MPDZ: variants seen among roughly 807,000 people sequenced by gnomAD.
MPDZ encodes multiple PDZ domain crumbs cell polarity complex component, also known as multiple PDZ domain protein.
Under a neutral mutation model 239.1 loss-of-function variants are expected in MPDZ, and 234 were observed. That is an observed-to-expected ratio of 0.98 (90% CI 0.88 to 1.09). The LOEUF (loss-of-function observed/expected upper bound fraction) is 1.09. Ranked by LOEUF, MPDZ falls within the 50% of genes least tolerant of loss-of-function variation. MPDZ has a pLI of 0.00. For missense variants in MPDZ, 3,175 were observed against 2,510.0 expected (o/e 1.26, Z -5.66); for synonymous variants, 1,048 against 881.3 (o/e 1.19, Z -3.35).
intron 46 of MPDZ, among the ~76,000 whole-genome samples, chr9:13,107,758 T>C (rs2130945856): frequency 6.6e-6 from 1 of 152,264 alleles, no homozygotes; most frequent in Admixed American, 6.5e-5. Flanking sequence ...CAGACATTGG[T>C]GTTAGAAAAA....
chr9:13,128,605 T>C lies in MPDZ; in HGVS notation c.4465-1833A>G, dbSNP rs575343309. ...TTTAAGTTGTGAAGTTTGGTGGTAA[T>C]TTGTTACATAGCAAAAGTTAAGGAG... On this transcript the variant is annotated intron_variant, in intron 32 of 46. Coordinates refer to ENST00000319217, the MANE Select transcript of MPDZ (RefSeq NM_001378778.1). Among the ~76,000 whole-genome samples, 4 of 152,336 alleles carry C rather than the reference T, an allele frequency of 2.6e-5. No individual in the cohort carries two copies. The South Asian group carries it at 8.3e-4, about 32-fold the overall frequency.
At chr9:13,226,943 T>G (rs1960813358) in intron 3 of MPDZ, among the ~76,000 whole-genome samples, 1 of 152,146 alleles carries the variant, frequency 6.6e-6, no homozygotes, top group African/African-American at 2.4e-5. Flanking sequence ...ATGATGAAAT[T>G]ACGTAAAGTC....
At chr9:13,175,246 A>C (rs1212498252) in intron 21 of MPDZ, among the ~76,000 whole-genome samples, 1 of 152,184 alleles carries the variant, frequency 6.6e-6, no homozygotes, top group Non-Finnish European at 1.5e-5. Flanking sequence ...ATAGGACAAA[A>C]AAATCCTGCC....
chr9:13,273,718 A>G (rs1011601382), intron 1 of MPDZ, among the ~76,000 whole-genome samples: 5 of 152,204 alleles, frequency 3.3e-5, no homozygotes, highest in African/African-American at 1.2e-4. Context: ...TTTTAATAAT[A>G]TATTTTATTT....
At position 13,113,124 on chromosome 9, in the gene MPDZ, T is replaced by A. The variant is rs879131328; in HGVS notation, c.5558-70A>T. 5.8e-6 allele frequency: 8 copies of A among 1,370,604 alleles called. No homozygotes were observed. In the South Asian group the frequency reaches 8.0e-5, roughly 14 times the overall value. The allele number at this position is 1,370,604 out of a possible 1,614,324, so 84.9% of individuals were successfully genotyped here. ...CACTTTTTATGTTCGTTAAAATATC[T>A]AAAGCTGGATGGGACTAAATGATAA... On this transcript the variant is annotated intron_variant, in intron 41 of 46. Coordinates refer to ENST00000319217, the MANE Select transcript of MPDZ (RefSeq NM_001378778.1).
chr9:13,250,302 A>G lies in MPDZ; in HGVS notation c.14T>C (p.Ile5Thr). The stretch of plus-strand genomic sequence containing the variant: ...AGGCAGAAAAGAATAAGTCTTACCA[A>G]TGGCTTCCAACATTTTTTTCAAAGT... MLEA[I>T]DKNRALHAAE... is the part of the protein sequence containing the mutation. The change falls in exon 2 of 47, where the codon ATT becomes ACT. Residue 5 changes from isoleucine (I) to threonine (T), a missense_variant and splice_region_variant. Ile to Thr is a moderately conservative substitution (Grantham distance 89). Coordinates refer to ENST00000319217, the MANE Select transcript of MPDZ (RefSeq NM_001378778.1). 1 of 1,594,668 alleles carries G rather than the reference A, an allele frequency of 6.3e-7. No homozygotes were observed. The highest frequency in any genetic ancestry group is 8.5e-7 in the Non-Finnish European group (1 of 1,169,636).
At chr9:13,203,495 A>T (rs1956626347) in intron 12 of MPDZ, among the ~76,000 whole-genome samples, 1 of 152,108 alleles carries the variant, frequency 6.6e-6, no homozygotes, top group African/African-American at 2.4e-5. Flanking sequence ...TCAGGCATAT[A>T]TTTAAAAATC....
chr9:13,169,532 C>A lies in MPDZ; in HGVS notation c.3056-968G>T, dbSNP rs116386322. Among the ~76,000 whole-genome samples, 1,163 of 152,196 alleles carry A rather than the reference C, an allele frequency of 7.6e-3. 17 individuals carry two copies. The highest frequency in any genetic ancestry group is 0.027 in the African/African-American group (1,115 of 41,510). The stretch of plus-strand genomic sequence containing the variant: ...CCTTTTTCCATTTAGACACTAACTC[C>A]AGACTAAGGCAACACCTTCTCTTGC... On this transcript the variant is annotated intron_variant, in intron 21 of 46. Coordinates refer to ENST00000319217, the MANE Select transcript of MPDZ (RefSeq NM_001378778.1).
chr9:13,155,984 A>C (rs1949767337), intron 24 of MPDZ, among the ~76,000 whole-genome samples: 3 of 152,184 alleles, frequency 2.0e-5, no homozygotes, highest in Admixed American at 2.0e-4. Flanking sequence ...TAAAAGCATA[A>C]AAATTTTCCA....
At chr9:13,164,919 G>A (rs569031781) in intron 22 of MPDZ, among the ~76,000 whole-genome samples, 2 of 152,044 alleles carry the variant, frequency 1.3e-5, no homozygotes, top group South Asian at 4.1e-4. Context: ...TGAGCTGCGA[G>A]AACACACTGA....
In MPDZ at chr9:13,106,644, T is replaced by G. The variant is rs1941505793; in HGVS notation, c.*321A>C. ...TGGTTAGCTTTAGAATTATCTTTCT[T>G]TATACTAACCAGCTTAGCATGTAAT... On this transcript the variant is annotated 3_prime_UTR_variant, in exon 47 of 47. Coordinates refer to ENST00000319217, the MANE Select transcript of MPDZ (RefSeq NM_001378778.1). 1 of 201,792 alleles carries G rather than the reference T, an allele frequency of 5.0e-6. No individual in the cohort carries two copies. Among genetic ancestry groups the G allele is most frequent in the Non-Finnish European group, 9.9e-6 (1 of 101,096 alleles). 12.5% of individuals were successfully genotyped at this position (201,792 alleles called of 1,614,324 possible). A position where few individuals can be genotyped will look rare whatever the true frequency, so the allele number is the denominator to read the frequency against.
chr9:13,176,468 T>A, intron 19 of MPDZ, 51 bp from the exon 20 acceptor site: 2 of 1,371,416 alleles, frequency 1.5e-6, no homozygotes, highest in Middle Eastern at 2.1e-4. Context: ...TGACCAGAAT[T>A]ACATCAATAT....
At chr9:13,139,063 G>A (rs1157013507) in intron 28 of MPDZ, among the ~76,000 whole-genome samples, 4 of 152,194 alleles carry the variant, frequency 2.6e-5, no homozygotes, top group Non-Finnish European at 5.9e-5. Flanking sequence ...ACTGAGAACA[G>A]ACTGCGAAAA....
At position 13,183,549 on chromosome 9, in the gene MPDZ, T is replaced by C. The variant is rs114565489; in HGVS notation, c.2518A>G (p.Thr840Ala). 1.5e-3 allele frequency: 2,348 copies of C among 1,612,562 alleles called. 27 individuals are homozygous for C. In the African/African-American group the frequency reaches 0.028, roughly 20 times the overall value. ...TCAGGAGAGTATGGAGACTCAAATG[T>C]GGATTCATCTACTAAGTCAGCATCA... ...TNDADLVDES[T>A]FESPYSPEND... The change falls in exon 19 of 47, where the codon ACA becomes GCA. Residue 840 changes from threonine (T) to alanine (A), a missense_variant. Coordinates refer to ENST00000319217, the MANE Select transcript of MPDZ (RefSeq NM_001378778.1).
intron 10 of MPDZ, among the ~76,000 whole-genome samples, chr9:13,206,393 T>C (rs1456909909): frequency 6.6e-6 from 1 of 151,956 alleles, no homozygotes; most frequent in Non-Finnish European, 1.5e-5. Flanking sequence ...ATGCCTTTTT[T>C]TTCCCTTTTT....
intron 12 of MPDZ, among the ~76,000 whole-genome samples, chr9:13,204,237 A>C (rs931801901): frequency 2.0e-5 from 3 of 152,152 alleles, no homozygotes; most frequent in Non-Finnish European, 4.4e-5. Context: ...TAAAGGAAGC[A>C]CACAGCACAA....
Position 13,186,273 on chromosome 9 carries a change from A to C in MPDZ, c.2478T>G (p.Ala826=), listed in dbSNP as rs896256050. Residue 826 remains alanine, a synonymous_variant, in exon 18 of 47, where the codon GCT becomes GCG. Coordinates refer to ENST00000319217, the MANE Select transcript of MPDZ (RefSeq NM_001378778.1). ...TTGATAAGTCATAGCCACTAACCAG[A>C]GCCAAGTCAGCCCTGAAGAGGGGTT... is the stretch of plus-strand genomic sequence containing the variant. The part of the protein sequence containing the change: ...ADKPLFRADL[A]LVGTNDADLV... 1 of 1,575,104 alleles carries C rather than the reference A, an allele frequency of 6.3e-7. No homozygotes were observed. Among genetic ancestry groups the C allele is most frequent in the Non-Finnish European group, 8.6e-7 (1 of 1,158,404 alleles).
intron 4 of MPDZ, 32 bp from the exon 5 acceptor site, chr9:13,223,742 A>G: frequency 1.3e-6 from 2 of 1,549,164 alleles, no homozygotes; most frequent in Non-Finnish European, 8.7e-7. Flanking sequence ...AAATAAAACT[A>G]AAAGCCAGGC....
chr9:13,115,197 TC>T lies in MPDZ; in HGVS notation c.5466+50del, dbSNP rs957065277. On this transcript the variant is annotated intron_variant, in intron 40 of 46. Coordinates refer to ENST00000319217, the MANE Select transcript of MPDZ (RefSeq NM_001378778.1). The stretch of plus-strand genomic sequence containing the variant: ...ACCCACAGTCAGGGCCATCTATGTG[TC>T]CTCTTGGCATGCCGATTGCATCGCC... 6.7e-6 allele frequency: 10 copies of T among 1,503,374 alleles called. No individual in the cohort carries two copies. The African/African-American group carries it at 1.1e-4, about 17-fold the overall frequency. 93.1% of individuals were successfully genotyped at this position (1,503,374 alleles called of 1,614,324 possible). A position where few individuals can be genotyped will look rare whatever the true frequency, so the allele number is the denominator to read the frequency against.
Sources: gnomAD v4.1 joint callset for allele counts (sites outside exome capture counted in the v4.1 genomes callset) on GRCh38, gnomAD v4.1.1 for gene constraint, MANE v1.5 for transcripts, NCBI Gene and HGNC (gene_info 2026-07-23, HGNC 2026-07-21) for gene names.